Variants in TMEM154 observed in about 807,000 individuals in gnomAD.
The protein encoded by TMEM154 is transmembrane protein 154.
A neutral mutation model predicts 24.5 loss-of-function variants in TMEM154; 27 were observed. That is an observed-to-expected ratio of 1.10 (90% CI 0.81 to 1.52). The LOEUF (loss-of-function observed/expected upper bound fraction) is 1.52, where lower values mean the gene tolerates loss of function less well. Ranked by LOEUF, TMEM154 falls within the 40% of genes most tolerant of loss-of-function variation. TMEM154 has a pLI of 0.00. For missense variants in TMEM154, 228 were observed against 213.4 expected (o/e 1.07, Z -0.43); for synonymous variants, 67 against 76.8 (o/e 0.87, Z 0.67).
At chr4:152,629,703 T>C (rs1751996274) in intron 6 of TMEM154, among the ~76,000 whole-genome samples, 1 of 152,218 alleles carries the variant, frequency 6.6e-6, no homozygotes, top group South Asian at 2.1e-4. Context: ...TAGATGTGGA[T>C]AGTCTGCAAT....
intron 1 of TMEM154, among the ~76,000 whole-genome samples, chr4:152,679,425 TA>T (rs1448531554): frequency 6.6e-6 from 1 of 151,890 alleles, no homozygotes; most frequent in Admixed American, 6.6e-5. Context: ...TTTCTAGTAG[TA>T]AATTTTCACA....
At chr4:152,637,489 T>G (rs13109997) in intron 6 of TMEM154, among the ~76,000 whole-genome samples, 17,411 of 151,864 alleles carry the variant, frequency 0.11, 1,387 homozygotes, top group African/African-American at 0.22. Flanking sequence ...AGGCTGCAGT[T>G]AGCCAAGATT....
At chr4:152,649,582 A>G (rs142593171) in intron 3 of TMEM154, among the ~76,000 whole-genome samples, 14 of 152,312 alleles carry the variant, frequency 9.2e-5, no homozygotes, top group African/African-American at 3.4e-4. Flanking sequence ...GGGGTGGGGG[A>G]GAAAATAAAA....
In TMEM154 at chr4:152,626,201, C is replaced by T. The variant is rs114722245; in HGVS notation, c.*2345G>A. ...GTTAACCTAGTTTGCTTAAAATGTA[C>T]GAAAATGCAATCAAACTTACATATC... On this transcript the variant is annotated 3_prime_UTR_variant, in exon 7 of 7. Coordinates refer to ENST00000304385, the MANE Select transcript of TMEM154 (RefSeq NM_152680.3). 188 of 152,684 alleles carry T rather than the reference C, an allele frequency of 1.2e-3. No individual in the cohort carries two copies. Among genetic ancestry groups the T allele is most frequent in the African/African-American group, 4.3e-3 (178 of 41,534 alleles). The allele number at this position is 152,684 out of a possible 1,614,324, so 9.5% of individuals were successfully genotyped here.
At chr4:152,634,054 A>G (rs1039781322) in intron 6 of TMEM154, among the ~76,000 whole-genome samples, 4 of 151,408 alleles carry the variant, frequency 2.6e-5, no homozygotes, top group East Asian at 1.9e-4. Flanking sequence ...AAAAAAAAAA[A>G]AAAGAAAGTG....
intron 6 of TMEM154, among the ~76,000 whole-genome samples, chr4:152,632,621 C>T (rs78522065): frequency 6.6e-6 from 1 of 152,266 alleles, no homozygotes; most frequent in Non-Finnish European, 1.5e-5. Flanking sequence ...TCTTTTATGT[C>T]CCACAATAAG....
chr4:152,650,744 A>G (rs1196618608), intron 3 of TMEM154, among the ~76,000 whole-genome samples: 2 of 152,236 alleles, frequency 1.3e-5, no homozygotes, highest in Non-Finnish European at 2.9e-5. Flanking sequence ...GTCTTAAACA[A>G]TAAGACTTGA....
At chr4:152,663,878 A>T (rs1305382030) in intron 1 of TMEM154, among the ~76,000 whole-genome samples, 1 of 152,250 alleles carries the variant, frequency 6.6e-6, no homozygotes, top group Non-Finnish European at 1.5e-5. Flanking sequence ...TCTTTCACAC[A>T]TCTGGTGAGG....
At chr4:152,650,991 T>C (rs1728366613) in intron 3 of TMEM154, among the ~76,000 whole-genome samples, 1 of 152,234 alleles carries the variant, frequency 6.6e-6, no homozygotes, top group Non-Finnish European at 1.5e-5. Context: ...GGCTTGGTTG[T>C]TCCACTTACA....
intron 6 of TMEM154, among the ~76,000 whole-genome samples, chr4:152,632,176 C>A (rs1278409604): frequency 6.6e-6 from 1 of 152,112 alleles, no homozygotes; most frequent in Non-Finnish European, 1.5e-5. Context: ...CTCCTTAAAG[C>A]TATATAATAT....
intron 4 of TMEM154, among the ~76,000 whole-genome samples, chr4:152,643,757 G>A (rs1167355668): frequency 6.6e-6 from 1 of 152,212 alleles, no homozygotes; most frequent in East Asian, 1.9e-4. Flanking sequence ...GGTTGGGGAA[G>A]GATGGACCAC....
chr4:152,661,830 C>T (rs1334459866), intron 1 of TMEM154, among the ~76,000 whole-genome samples: 1 of 152,180 alleles, frequency 6.6e-6, no homozygotes, highest in Non-Finnish European at 1.5e-5. Context: ...CGCTACCACC[C>T]TTTCCCCAAG....
rs1054887118 is a variant in TMEM154 at position 152,619,520 on chromosome 4, T to G, written c.*9026A>C. 6.6e-6 allele frequency: 1 copy of G among 152,170 alleles called. No individual in the cohort carries two copies. The highest frequency in any genetic ancestry group is 2.4e-5 in the African/African-American group (1 of 41,436). 9.4% of individuals were successfully genotyped at this position (152,170 alleles called of 1,614,324 possible). On this transcript the variant is annotated 3_prime_UTR_variant, in exon 7 of 7. Transcript: ENST00000304385. ...TTTCCACCTTGAACCTAGGTAGACT[T>G]TGTAACTGTCTCAAACAATAAAGTA...
chr4:152,628,600 AACACAC>A, intron 6 of TMEM154, 39 bp from the exon 7 acceptor site: 3 of 989,170 alleles, frequency 3.0e-6, no homozygotes, highest in South Asian at 1.6e-5. Flanking sequence ...AAACAAAAAA[AACACAC>A]ACACACACAC....
rs1462145489 is a variant in TMEM154, at chr4:152,618,768, T to A, written c.*9778A>T. 2 of 152,160 alleles carry A rather than the reference T, an allele frequency of 1.3e-5. No homozygotes were observed. Among genetic ancestry groups the A allele is most frequent in the African/African-American group, 2.4e-5 (1 of 41,432 alleles). The allele number at this position is 152,160 out of a possible 1,614,324, so 9.4% of individuals were successfully genotyped here. A position where few individuals can be genotyped will look rare whatever the true frequency, so the allele number is the denominator to read the frequency against. ...CAATTATGATCGTTCTCTGCTTCCT[T>A]CCATATTGGATTTAATGTAGCTAAA... On this transcript the variant is annotated 3_prime_UTR_variant, in exon 7 of 7. Coordinates refer to ENST00000304385, the MANE Select transcript of TMEM154 (RefSeq NM_152680.3).
intron 6 of TMEM154, among the ~76,000 whole-genome samples, chr4:152,638,715 A>G (rs537039308): frequency 5.9e-5 from 9 of 152,306 alleles, no homozygotes; most frequent in Admixed American, 2.6e-4. Flanking sequence ...GCAATATCAT[A>G]ATAACCTTTG....
At chr4:152,628,604 CA>C in intron 6 of TMEM154, 43 bp from the exon 7 acceptor site, 3 of 1,068,862 alleles carry the variant, frequency 2.8e-6, no homozygotes, top group Non-Finnish European at 3.7e-6. Context: ...AAAAAAAACA[CA>C]CACACACACA....
chr4:152,656,867 G>A (rs948048189), intron 1 of TMEM154, among the ~76,000 whole-genome samples: 1 of 151,800 alleles, frequency 6.6e-6, no homozygotes, highest in African/African-American at 2.4e-5. Flanking sequence ...GTTGCGGTGA[G>A]CCAAGATCAT....
At chr4:152,658,492 A>G (rs1002016622) in intron 1 of TMEM154, among the ~76,000 whole-genome samples, 1 of 152,234 alleles carries the variant, frequency 6.6e-6, no homozygotes, top group East Asian at 1.9e-4. Flanking sequence ...AACAAACAAC[A>G]CTACAATGAA....
Sources: allele counts gnomAD v4.1 joint callset (sites outside exome capture counted in the v4.1 genomes callset), GRCh38; gene constraint gnomAD v4.1.1; transcripts MANE v1.5; gene names NCBI Gene and HGNC (gene_info 2026-07-23, HGNC 2026-07-21).